The following BAZ2B variants were observed in gnomAD, a reference collection of about 807,000 sequenced individuals.
The protein encoded by BAZ2B is bromodomain adjacent to zinc finger domain protein 2B.
In BAZ2B, 91 loss-of-function variants were observed where a neutral mutation model predicts 246.0. The observed-to-expected ratio is 0.37, with a 90% CI of 0.31 to 0.44. The LOEUF is 0.44. Ranked by LOEUF, BAZ2B falls within the 20% of genes least tolerant of loss-of-function variation. The probability of loss-of-function intolerance (pLI) is 1.00; values close to 1 mark genes in which losing one functional copy is unlikely to be tolerated. For synonymous variants in BAZ2B, 855 were observed against 860.0 expected (o/e 0.99, Z 0.10); for missense variants, 2,332 against 2,533.7 (o/e 0.92, Z 1.71).
upstream of BAZ2B, among the ~76,000 whole-genome samples, chr2:159,618,391 T>G (rs1355440025): frequency 6.6e-6 from 1 of 152,208 alleles, no homozygotes; most frequent in Non-Finnish European, 1.5e-5. Context: ...TTCCTTATAA[T>G]ATATTATTAA....
the BAZ2B span, among the ~76,000 whole-genome samples, chr2:159,663,546 ACT>A: frequency 7.3e-6 from 1 of 137,520 alleles, no homozygotes; most frequent in South Asian, 2.3e-4. Flanking sequence ...ATGGAGTCAC[ACT>A]CTGTCACCCA....
At chr2:159,323,985 C>T (rs1343375585) in intron 36 of BAZ2B, among the ~76,000 whole-genome samples, 1 of 152,014 alleles carries the variant, frequency 6.6e-6, no homozygotes, top group Non-Finnish European at 1.5e-5. Flanking sequence ...TTATTTCATC[C>T]TCCAAAGAAA....
rs1291071834 is a variant in BAZ2B, at chr2:159,432,894, A to G, written c.1763T>C (p.Val588Ala). ...TGAATCTGTTCCTCTGAATTGTTCC[A>G]CTAAAGATTTTGCAGGATGGGAGTG... is the stretch of plus-strand genomic sequence containing the variant. ...QHHSHPAKSL[V>A]EQFRGTDSDI... Residue 588 changes from valine to alanine, a missense_variant, in exon 9 of 37, where the codon GTG (valine) becomes GCG (alanine). Coordinates refer to ENST00000392783, the MANE Select transcript of BAZ2B (RefSeq NM_013450.4). 1.2e-6 allele frequency: 2 copies of G among 1,614,138 alleles called. No individual in the cohort carries two copies. Among genetic ancestry groups the G allele is most frequent in the East Asian group, 4.5e-5 (2 of 44,882 alleles).
the BAZ2B span, among the ~76,000 whole-genome samples, chr2:159,663,818 C>T: frequency 2.0e-5 from 3 of 149,002 alleles, no homozygotes; most frequent in Non-Finnish European, 4.4e-5. Flanking sequence ...GGCCCGGCTG[C>T]CTGTTGCTAA....
At chr2:159,476,610 T>C (rs2150894998) in intron 3 of BAZ2B, among the ~76,000 whole-genome samples, 1 of 152,292 alleles carries the variant, frequency 6.6e-6, no homozygotes, top group African/African-American at 2.4e-5. Flanking sequence ...GAGAAAAAAG[T>C]GTTCAGAAAA....
At chr2:159,521,630 T>C (rs2084145072) in intron 2 of BAZ2B, among the ~76,000 whole-genome samples, 2 of 152,114 alleles carry the variant, frequency 1.3e-5, no homozygotes, top group African/African-American at 4.8e-5. Flanking sequence ...ATTTTTGTCC[T>C]TTAGATTTTA....
intron 2 of BAZ2B, among the ~76,000 whole-genome samples, chr2:159,533,250 A>T (rs1417129113): frequency 6.6e-6 from 1 of 152,204 alleles, no homozygotes; most frequent in African/African-American, 2.4e-5. Flanking sequence ...ATTAACAGTA[A>T]TAGGCCTGAT....
intron 3 of BAZ2B, among the ~76,000 whole-genome samples, chr2:159,470,933 G>C (rs959625798): frequency 6.6e-6 from 1 of 151,892 alleles, no homozygotes; most frequent in African/African-American, 2.4e-5. Flanking sequence ...TCTTCCTATA[G>C]GTGTATTTAA....
At chr2:159,468,872 G>A (rs890833196) in intron 3 of BAZ2B, among the ~76,000 whole-genome samples, 15 of 151,820 alleles carry the variant, frequency 9.9e-5, no homozygotes, top group Admixed American at 7.2e-4. Context: ...GTGAAACCCC[G>A]TCTCTACTAA....
chr2:159,495,433 C>T (rs988761678), intron 2 of BAZ2B, among the ~76,000 whole-genome samples: 1 of 129,734 alleles, frequency 7.7e-6, no homozygotes, highest in Non-Finnish European at 1.5e-5. Context: ...TGCAGTGAGC[C>T]GAGATCGCGC....
chr2:159,331,180 C>A (rs769484212), intron 34 of BAZ2B, among the ~76,000 whole-genome samples: 8 of 152,060 alleles, frequency 5.3e-5, no homozygotes, highest in Non-Finnish European at 1.0e-4. Context: ...GAGTTCATGG[C>A]AACAGCAGAG....
downstream of BAZ2B, among the ~76,000 whole-genome samples, chr2:159,315,713 G>C (rs1221160513): frequency 6.6e-6 from 1 of 152,208 alleles, no homozygotes; most frequent in Non-Finnish European, 1.5e-5. Flanking sequence ...ACACAATGTG[G>C]AAAGGGATTA....
intron 2 of BAZ2B, among the ~76,000 whole-genome samples, chr2:159,535,376 G>C (rs2085850995): frequency 6.6e-6 from 1 of 152,162 alleles, no homozygotes; most frequent in African/African-American, 2.4e-5. Flanking sequence ...GCAAAAATTA[G>C]CTGGGCATGG....
intron 13 of BAZ2B, among the ~76,000 whole-genome samples, chr2:159,425,852 C>T (rs2069739389): frequency 6.6e-6 from 1 of 152,104 alleles, no homozygotes; most frequent in African/African-American, 2.4e-5. Context: ...TAATGATATA[C>T]ATTTCCAGTT....
At chr2:159,593,314 A>C (rs1227342534) in intron 1 of BAZ2B, among the ~76,000 whole-genome samples, 2 of 152,210 alleles carry the variant, frequency 1.3e-5, no homozygotes, top group African/African-American at 4.8e-5. Context: ...TATGTATTCC[A>C]TCAGTTGAAA....
chr2:159,673,593 G>A, the BAZ2B span, among the ~76,000 whole-genome samples: 2 of 151,892 alleles, frequency 1.3e-5, no homozygotes, highest in South Asian at 4.2e-4. Context: ...GCAAACCACA[G>A]GAAAAACACA....
At chr2:159,432,511 T>A (rs754262202) in intron 9 of BAZ2B, among the ~76,000 whole-genome samples, 2 of 152,228 alleles carry the variant, frequency 1.3e-5, no homozygotes, top group Non-Finnish European at 2.9e-5. Context: ...TCTTAATTTA[T>A]GCATCATTTG....
intron 1 of BAZ2B, among the ~76,000 whole-genome samples, chr2:159,569,265 C>T (rs1254788588): frequency 2.6e-5 from 4 of 151,978 alleles, no homozygotes; most frequent in Non-Finnish European, 5.9e-5. Context: ...AAGAGAATGG[C>T]TACCCACAGT....
intron 5 of BAZ2B, among the ~76,000 whole-genome samples, chr2:159,447,546 A>G (rs2074429727): frequency 6.6e-6 from 1 of 152,206 alleles, no homozygotes; most frequent in Non-Finnish European, 1.5e-5. Flanking sequence ...GATCATTTAA[A>G]AAAGTACTAG....
Sources: gnomAD v4.1 joint callset for allele counts (sites outside exome capture counted in the v4.1 genomes callset) on GRCh38, gnomAD v4.1.1 for gene constraint, MANE v1.5 for transcripts, NCBI Gene and HGNC (gene_info 2026-07-23, HGNC 2026-07-21) for gene names.